Variants in NLRP1 observed in about 807,000 individuals in gnomAD.
The protein encoded by NLRP1 is NLR family pyrin domain containing 1, also known as NACHT, LRR and PYD domains-containing protein 1.
NLRP1 carries 94 observed loss-of-function variants against 136.7 expected under a neutral mutation model. The ratio of observed to expected loss-of-function variants is 0.69; its 90% CI spans 0.58 to 0.82. The LOEUF is 0.82. NLRP1 is among the 40% of genes least tolerant of loss of function. The pLI is 0.00. For synonymous variants in NLRP1, 690 were observed against 725.1 expected (o/e 0.95, Z 0.78); for missense variants, 1,575 against 1,802.7 (o/e 0.87, Z 2.29).
intron 15 of NLRP1, among the ~76,000 whole-genome samples, chr17:5,506,250 C>G (rs1907329662): frequency 6.7e-6 from 1 of 150,162 alleles, no homozygotes; most frequent in South Asian, 2.1e-4. Flanking sequence ...CACCATTGCA[C>G]TCCAGTCTGG....
rs746246523 is a variant in NLRP1 at position 5,539,459 on chromosome 17, G to C, written c.2826C>G (p.Leu942=). The C allele has an allele frequency of 4.3e-6, 7 of 1,614,096 alleles. No homozygotes were observed. The highest frequency in any genetic ancestry group is 5.9e-6 in the Non-Finnish European group (7 of 1,179,996). ...AGGCAGGATGCCTGAGCCCCTCACA[G>C]AGCAGTCGCACGCCAACGTCATCCA... The part of the protein sequence containing the change: ...NNLDDVGVRL[L]CEGLRHPACK... The change falls in exon 7 of 17, where the codon CTC becomes CTG. Residue 942 remains leucine, a synonymous_variant. Transcript: ENST00000572272.
intron 12 of NLRP1, among the ~76,000 whole-genome samples, chr17:5,521,997 G>A (rs1908970744): frequency 6.6e-6 from 1 of 152,016 alleles, no homozygotes; most frequent in African/African-American, 2.4e-5. Flanking sequence ...GCTAATTTTT[G>A]TATTTTTAGT....
At chr17:5,540,692 C>T (rs1003484260) in intron 6 of NLRP1, among the ~76,000 whole-genome samples, 2 of 152,146 alleles carry the variant, frequency 1.3e-5, no homozygotes, top group Non-Finnish European at 2.9e-5. Context: ...ACAAGTGTTA[C>T]CGACTTCCTA....
chr17:5,560,048 G>A lies in NLRP1; in HGVS notation c.653-5C>T, dbSNP rs1914551945. The A allele has an allele frequency of 6.5e-7, 1 of 1,546,206 alleles. No homozygotes were observed. The highest frequency in any genetic ancestry group is 1.4e-5 in the African/African-American group (1 of 72,004). ...CTCTCTCTCTTTCTCTGATTTCTAA[G>A]TAAGGGAGGGAAAGAAGGAACATAA... On this transcript the variant is annotated splice_region_variant and splice_polypyrimidine_tract_variant and intron_variant, in intron 3 of 16. Coordinates refer to ENST00000572272, the MANE Select transcript of NLRP1 (RefSeq NM_033004.4).
At chr17:5,564,756 T>TTA (rs1364973031) in intron 3 of NLRP1, among the ~76,000 whole-genome samples, 2 of 149,436 alleles carry the variant, frequency 1.3e-5, no homozygotes, top group Admixed American at 6.7e-5. Flanking sequence ...TTTTTTTTTT[T>TTA]AGACAGAGTC....
chr17:5,521,437 T>C (rs11650176), intron 13 of NLRP1, 87 bp downstream of exon 13: 67,860 of 1,402,554 alleles, frequency 0.048, 1,895 homozygotes, highest in African/African-American at 0.085. Context: ...TTGGTCCCAG[T>C]TGAAGACCCT....
intron 14 of NLRP1, among the ~76,000 whole-genome samples, chr17:5,520,093 G>C (rs1908708817): frequency 6.6e-6 from 1 of 151,124 alleles, no homozygotes; most frequent in Non-Finnish European, 1.5e-5. Flanking sequence ...CTGACCTCAA[G>C]TGATCTGCCC....
downstream of NLRP1, among the ~76,000 whole-genome samples, chr17:5,511,439 T>TAAAAAAAAAA (rs60642771): frequency 1.7e-4 from 23 of 137,344 alleles, no homozygotes; most frequent in Non-Finnish European, 2.3e-4. Flanking sequence ...AGCCTCCGTC[T>TAAAAAAAAAA]AAAAAAAAAA....
chr17:5,562,174 C>T (rs370736907), intron 3 of NLRP1, among the ~76,000 whole-genome samples: 1 of 152,384 alleles, frequency 6.6e-6, no homozygotes, highest in African/African-American at 2.4e-5. Flanking sequence ...TCCCGCTACT[C>T]TGTGGGTGGG....
intron 16 of NLRP1, 32 bp from the exon 17 acceptor site, chr17:5,515,105 A>G: frequency 6.3e-7 from 1 of 1,588,654 alleles, no homozygotes; most frequent in Non-Finnish European, 8.6e-7. Context: ...CTCCAACCAC[A>G]GCCTCCACCT....
chr17:5,572,068 C>T (rs921007326), intron 3 of NLRP1, among the ~76,000 whole-genome samples: 9 of 152,102 alleles, frequency 5.9e-5, no homozygotes, highest in Admixed American at 3.9e-4. Context: ...GAAACTGGAC[C>T]CCTTCCTGAT....
intron 8 of NLRP1, among the ~76,000 whole-genome samples, chr17:5,535,104 C>T (rs1005926334): frequency 6.6e-6 from 1 of 152,106 alleles, no homozygotes. Flanking sequence ...CCTGTAGTCC[C>T]AGCTACTCTG....
chr17:5,551,681 T>C (rs34576812), intron 5 of NLRP1, among the ~76,000 whole-genome samples: 10,036 of 152,330 alleles, frequency 0.066, 423 homozygotes, highest in African/African-American at 0.11. Flanking sequence ...CACATCCTCG[T>C]CAGCATTTGG....
chr17:5,507,498 G>A (rs559199101), intron 15 of NLRP1, among the ~76,000 whole-genome samples: 8 of 152,032 alleles, frequency 5.3e-5, no homozygotes, highest in African/African-American at 1.9e-4. Flanking sequence ...AGTTCCAGAC[G>A]AGCCTGGGCA....
At chr17:5,557,502 G>C (rs1261592170) in intron 4 of NLRP1, among the ~76,000 whole-genome samples, 1 of 152,154 alleles carries the variant, frequency 6.6e-6, no homozygotes, top group East Asian at 1.9e-4. Context: ...ACACTCTGTT[G>C]TCATTAAATG....
downstream of NLRP1, among the ~76,000 whole-genome samples, chr17:5,511,812 CTTCCTTCCTCTTTTTCTTCA>C (rs1344625661): frequency 7.3e-6 from 1 of 137,778 alleles, no homozygotes; most frequent in Non-Finnish European, 1.5e-5. Flanking sequence ...TCTTTCCTTC[CTTCCTTCCTCTTTTTCTTCA>C]TTCCTTCCTC....
At chr17:5,534,087 T>C (rs1354201977) in intron 8 of NLRP1, 99 bp from the exon 9 acceptor site, 2 of 845,538 alleles carry the variant, frequency 2.4e-6, no homozygotes, top group African/African-American at 1.7e-5. Flanking sequence ...TCGGGTCGGG[T>C]GCAGTGGCTC....
Position 5,582,738 on chromosome 17 carries a change from C to CCCG in NLRP1, c.377_379dup (p.Ala126dup), listed in dbSNP as rs1366178264. 1.9e-6 allele frequency: 3 copies of CCCG among 1,614,020 alleles called. No homozygotes were observed. The African/African-American group carries it at 4.0e-5, about 22-fold the overall frequency. On this transcript the variant is annotated inframe_insertion, in exon 2 of 17. Transcript: ENST00000572272. ...CCTTCTCTCTGAGCCCTGGGTGCAC[C>CCCG]CCGCCGGCAATTCATGGATCCAGGG...
intron 3 of NLRP1, among the ~76,000 whole-genome samples, chr17:5,562,077 C>T (rs969486016): frequency 6.6e-6 from 1 of 152,220 alleles, no homozygotes; most frequent in African/African-American, 2.4e-5. Context: ...CCCAGGGAAA[C>T]ACCCAGATGG....
Sources: allele counts gnomAD v4.1 joint callset (sites outside exome capture counted in the v4.1 genomes callset), GRCh38; gene constraint gnomAD v4.1.1; transcripts MANE v1.5; gene names NCBI Gene and HGNC (gene_info 2026-07-23, HGNC 2026-07-21).